The following HMCN1 variants were observed in gnomAD, a reference collection of about 807,000 sequenced individuals.
The protein encoded by HMCN1 is hemicentin 1.
A neutral mutation model predicts 625.9 loss-of-function variants in HMCN1; 321 were observed. The observed-to-expected ratio is 0.51, with a 90% CI of 0.47 to 0.56. The LOEUF is 0.56. Among genes scored for constraint, HMCN1 ranks in the 20% least tolerant of loss-of-function variants. HMCN1 has a pLI of 0.00. For missense variants in HMCN1, 6,588 were observed against 6,887.3 expected (o/e 0.96, Z 1.54); for synonymous variants, 2,425 against 2,417.6 (o/e 1.00, Z -0.09).
At position 186,166,831 on chromosome 1, in the gene HMCN1, A is replaced by G; in HGVS notation, c.15463A>G (p.Arg5155Gly). The G allele has an allele frequency of 1.2e-6, 2 of 1,614,088 alleles. No homozygotes were observed. Among genetic ancestry groups the G allele is most frequent in the Non-Finnish European group, 8.5e-7 (1 of 1,179,990 alleles). Residue 5155 changes from arginine to glycine, a missense_variant, in exon 100 of 107, where the codon AGG (arginine) becomes GGG (glycine). Coordinates refer to ENST00000271588, the MANE Select transcript of HMCN1 (RefSeq NM_031935.3). ...AGATATTGATGAGTGTGCTTTGGGT[A>G]GGCATACCTGCCACGCTGGTCAGGA... ...CQDIDECALGRHTCHAGQDCD... is the reference protein window; with the variant it reads ...CQDIDECALGGHTCHAGQDCD...
At chr1:185,912,102 G>A (rs976888791) in intron 6 of HMCN1, among the ~76,000 whole-genome samples, 1 of 152,126 alleles carries the variant, frequency 6.6e-6, no homozygotes, top group Non-Finnish European at 1.5e-5. Flanking sequence ...ACAGAATAAC[G>A]GTTAGAGCCA....
intron 1 of HMCN1, among the ~76,000 whole-genome samples, chr1:185,801,978 G>A (rs1482274178): frequency 1.3e-5 from 2 of 152,142 alleles, no homozygotes; most frequent in African/African-American, 4.8e-5. Flanking sequence ...GAATGGATTA[G>A]AGAGGAATTC....
chr1:185,886,151 A>G (rs944672898), intron 4 of HMCN1, among the ~76,000 whole-genome samples: 1 of 152,144 alleles, frequency 6.6e-6, no homozygotes, highest in Non-Finnish European at 1.5e-5. Context: ...TGTTCTTCCA[A>G]TAGAATATGC....
chr1:185,882,933 C>T (rs114590598), intron 4 of HMCN1, among the ~76,000 whole-genome samples: 3,212 of 152,078 alleles, frequency 0.021, 50 homozygotes, highest in Non-Finnish European at 0.03. Flanking sequence ...CTTGTGCCTA[C>T]GTGAATCTAT....
At chr1:185,855,078 G>T (rs187822773) in intron 2 of HMCN1, among the ~76,000 whole-genome samples, 69 of 152,286 alleles carry the variant, frequency 4.5e-4, no homozygotes, top group African/African-American at 1.6e-3. Context: ...GGAGCAAGAA[G>T]GTCTGCTCAG....
chr1:185,960,868 A>G (rs1223156703), intron 11 of HMCN1, among the ~76,000 whole-genome samples: 2 of 152,196 alleles, frequency 1.3e-5, no homozygotes, highest in Non-Finnish European at 2.9e-5. Context: ...TATCCCCTGA[A>G]GATTATCTGC....
chr1:186,172,173 T>G, intron 102 of HMCN1, 42 bp downstream of exon 102: 1 of 1,610,412 alleles, frequency 6.2e-7, no homozygotes, highest in South Asian at 1.1e-5. Context: ...CAGTTTGCCG[T>G]CAACAAGTCA....
rs371467566 is a variant in HMCN1 at position 185,980,945 on chromosome 1, G to A, written c.2567-33G>A. 7.6e-5 allele frequency: 92 copies of A among 1,206,046 alleles called. No individual in the cohort carries two copies. In the African/African-American group the frequency reaches 1.3e-3, roughly 16 times the overall value. The allele number at this position is 1,206,046 out of a possible 1,614,324, so 74.7% of individuals were successfully genotyped here. ...GCACATAGTTAATTCTCCATAGATG[G>A]TATTGGATGAGTAAATGAGTTCTTC... On this transcript the variant is annotated intron_variant, in intron 16 of 106. Transcript: ENST00000271588.
intron 1 of HMCN1, among the ~76,000 whole-genome samples, chr1:185,784,007 C>G (rs552435854): frequency 6.6e-6 from 1 of 152,344 alleles, no homozygotes; most frequent in South Asian, 2.1e-4. Context: ...GTTCCCAGTT[C>G]GAGCTTCCAG....
chr1:185,744,013 G>GA (rs1654194148), intron 1 of HMCN1, among the ~76,000 whole-genome samples: 1 of 136,642 alleles, frequency 7.3e-6, no homozygotes, highest in Admixed American at 7.4e-5. Flanking sequence ...TTTTGAGACG[G>GA]AGTCTCACTC....
At chr1:186,008,571 T>C (rs756855556) in intron 30 of HMCN1, among the ~76,000 whole-genome samples, 9 of 152,226 alleles carry the variant, frequency 5.9e-5, no homozygotes, top group Non-Finnish European at 1.0e-4. Context: ...GGTTGAGTAA[T>C]TAATAAGAGT....
In HMCN1 at chr1:186,015,943, T is replaced by C; in HGVS notation, c.4910-15T>C. 6.2e-7 allele frequency: 1 copy of C among 1,606,494 alleles called. No individual in the cohort carries two copies. The highest frequency in any genetic ancestry group is 1.7e-5 in the Admixed American group (1 of 59,870). On this transcript the variant is annotated splice_polypyrimidine_tract_variant and intron_variant, in intron 31 of 106. Transcript: ENST00000271588. ...CACAAATAATTGCCTGAAATATTGCTATGTTTCTCCCTAGTTCCTCCAATG... is the reference window on the plus strand; with the variant it reads ...CACAAATAATTGCCTGAAATATTGCCATGTTTCTCCCTAGTTCCTCCAATG...
intron 1 of HMCN1, among the ~76,000 whole-genome samples, chr1:185,839,157 C>T (rs1661339437): frequency 6.6e-6 from 1 of 152,154 alleles, no homozygotes; most frequent in Non-Finnish European, 1.5e-5. Flanking sequence ...AGACTTTTCT[C>T]TTCTTCATCA....
At chr1:186,144,954 C>T (rs1445511976) in intron 91 of HMCN1, among the ~76,000 whole-genome samples, 1 of 152,214 alleles carries the variant, frequency 6.6e-6, no homozygotes, top group Non-Finnish European at 1.5e-5. Context: ...AGCACCCCTG[C>T]ATGCTAACTC....
Position 185,865,829 on chromosome 1 carries a change from A to G in HMCN1, c.587A>G (p.Gln196Arg). The change falls in exon 4 of 107, where the codon CAA (glutamine) becomes CGA (arginine). Residue 196 changes from glutamine (Q) to arginine (R), a missense_variant. Gln to Arg is a conservative substitution (Grantham distance 43). Around this residue, in one of 3 missense-constraint regions of HMCN1, gnomAD observed 4,628 missense variants for 4,853.1 expected, o/e 0.95. Coordinates refer to ENST00000271588, the MANE Select transcript of HMCN1 (RefSeq NM_031935.3). ...YEEIASTSSG[Q>R]VFHLDKKQVN... ...GAAATTGCCTCTACAAGTTCTGGTC[A>G]AGTGTTCCATCTGGACAAAAAACAA... The G allele has an allele frequency of 6.2e-7, 1 of 1,613,618 alleles. No homozygotes were observed. Among genetic ancestry groups the G allele is most frequent in the Non-Finnish European group, 8.5e-7 (1 of 1,179,830 alleles).
At chr1:186,154,899 G>A (rs1017585594) in intron 97 of HMCN1, among the ~76,000 whole-genome samples, 5 of 152,078 alleles carry the variant, frequency 3.3e-5, no homozygotes, top group African/African-American at 7.2e-5. Context: ...GAGCCACCAC[G>A]GCAATTAACA....
Position 186,185,425 on chromosome 1 carries a change from T to A in HMCN1, c.16415-2458T>A, listed in dbSNP as rs191506645. ...GTCAAGGAGATTAAGCCCTCCTGGC[T>A]GATAAAATCATAATTAGAAATTTTT... On this transcript the variant is annotated intron_variant, in intron 105 of 106. Coordinates refer to ENST00000271588, the MANE Select transcript of HMCN1 (RefSeq NM_031935.3). Among the ~76,000 whole-genome samples, 425 of 152,318 alleles carry A rather than the reference T, an allele frequency of 2.8e-3. 2 individuals carry two copies. Among genetic ancestry groups the A allele is most frequent in the African/African-American group, 9.9e-3 (411 of 41,586 alleles).
rs187129648 is a variant in HMCN1 at position 185,779,424 on chromosome 1, G to A, written c.268+44377G>A. On this transcript the variant is annotated intron_variant, in intron 1 of 106. Transcript: ENST00000271588. ...TTTTAGACATGAAGTCCTTGCCCACGCCTATGTCCTGAATGGTATTGCCTA... is the reference window on the plus strand; with the variant it reads ...TTTTAGACATGAAGTCCTTGCCCACACCTATGTCCTGAATGGTATTGCCTA... Among the ~76,000 whole-genome samples the A allele has an allele frequency of 2.2e-3, 330 of 152,258 alleles. 1 individual carries two copies. The highest frequency in any genetic ancestry group is 7.5e-3 in the African/African-American group (312 of 41,538).
rs766695779 is a variant in HMCN1, at chr1:186,130,088, G to T, written c.13027G>T (p.Val4343Phe). Residue 4343 changes from valine to phenylalanine, a missense_variant, in exon 84 of 107, where the codon GTT (valine) becomes TTT (phenylalanine). Val to Phe is a conservative substitution (Grantham distance 50). Around this residue, in one of 3 missense-constraint regions of HMCN1, gnomAD observed 1,954 missense variants for 2,013.1 expected, o/e 0.97. Coordinates refer to ENST00000271588, the MANE Select transcript of HMCN1 (RefSeq NM_031935.3). ...TGGCTTTGTGAAGGCAATTGGATTT[G>T]TTTATGTGAAAGGTAGGGAAAAGCG... ...SVGFVKAIGFVYVKEPPVFKG... is the reference protein window; with the variant it reads ...SVGFVKAIGFFYVKEPPVFKG... The T allele has an allele frequency of 5.6e-6, 9 of 1,612,936 alleles. No individual in the cohort carries two copies. Among genetic ancestry groups the T allele is most frequent in the Non-Finnish European group, 6.8e-6 (8 of 1,179,284 alleles).
Sources: gnomAD v4.1 joint callset for allele counts (sites outside exome capture counted in the v4.1 genomes callset) on GRCh38, gnomAD v4.1.1 for gene constraint, gnomAD v4.1.1 regional missense constraint, MANE v1.5 for transcripts, NCBI Gene and HGNC (gene_info 2026-07-23, HGNC 2026-07-21) for gene names.